The following PIK3R4 variants were observed in gnomAD, a reference collection of about 807,000 sequenced individuals.
PIK3R4 encodes phosphoinositide-3-kinase regulatory subunit 4.
Under a neutral mutation model 136.5 loss-of-function variants are expected in PIK3R4, and 46 were observed. That is an observed-to-expected ratio of 0.34 (90% confidence interval 0.27 to 0.43). The LOEUF (loss-of-function observed/expected upper bound fraction) is 0.43. Among genes scored for constraint, PIK3R4 ranks in the 20% least tolerant of loss-of-function variants. PIK3R4 has a pLI of 1.00. For missense variants in PIK3R4, 1,331 were observed against 1,649.5 expected, an observed-to-expected ratio of 0.81 and a Z score of 3.35; for synonymous variants, 557 against 566.7, an observed-to-expected ratio of 0.98 and a Z score of 0.24.
intron 13 of PIK3R4, among the ~76,000 whole-genome samples, chr3:130,699,335 A>G (rs1389735511): frequency 6.6e-6 from 1 of 152,208 alleles, no homozygotes; most frequent in Non-Finnish European, 1.5e-5. Context: ...CCCTGAAAAC[A>G]GAACTTTTCA....
rs2066853636 is a variant in PIK3R4, at chr3:130,746,420, T to C, written c.-149A>G. 1.3e-5 allele frequency: 2 copies of C among 152,104 alleles called. No homozygotes were observed. The highest frequency in any genetic ancestry group is 4.8e-5 in the African/African-American group (2 of 41,368). The allele number at this position is 152,104 out of a possible 1,614,324, so 9.4% of individuals were successfully genotyped here. A position where few individuals can be genotyped will look rare whatever the true frequency, so the allele number is the denominator to read the frequency against. On this transcript the variant is annotated 5_prime_UTR_variant, in exon 1 of 20. Coordinates refer to ENST00000356763, the MANE Select transcript of PIK3R4 (RefSeq NM_014602.3). ...GGAAAACGCGTCAGCAGCGGGGAAG[T>C]TGTTTCTACGAAGGGTCTTTCTTCA...
At position 130,718,478 on chromosome 3, in the gene PIK3R4, T is replaced by A; in HGVS notation, c.2038A>T (p.Thr680Ser). Residue 680 changes from threonine to serine, a missense_variant, in exon 8 of 20, where the codon ACA (threonine) becomes TCA (serine). By Grantham distance (58) the Thr-to-Ser change is moderately conservative. Around this residue, in one of 2 missense-constraint regions of PIK3R4, gnomAD observed 1,180 missense variants for 1,407.0 expected, o/e 0.84. Transcript: ENST00000356763. ...GTACTTATTTGACGAGCTACCACTG[T>A]GATAAATCCCACGGCACCATAACGT... ...WIRYGAVGFI[T>S]VVARQISTAD... 6.2e-7 allele frequency: 1 copy of A among 1,613,858 alleles called. No homozygotes were observed. The highest frequency in any genetic ancestry group is 2.2e-5 in the East Asian group (1 of 44,864).
chr3:130,722,095 A>C (rs941405135), intron 7 of PIK3R4, among the ~76,000 whole-genome samples: 32 of 152,290 alleles, frequency 2.1e-4, no homozygotes, highest in African/African-American at 7.7e-4. Flanking sequence ...AGAATGAGAG[A>C]GATGTATATA....
Position 130,681,055 on chromosome 3 carries a change from T to C in PIK3R4, c.3719A>G (p.His1240Arg). The change falls in exon 18 of 20, where the codon CAT becomes CGT. Residue 1240 changes from histidine (H) to arginine (R), a missense_variant. Around this residue, in one of 2 missense-constraint regions of PIK3R4, gnomAD observed 1,180 missense variants for 1,407.0 expected, o/e 0.84. Transcript: ENST00000356763. ...ACTACAGTAGATACCATGGACGCTA[T>C]GAGGAGAAGGCTTAAAAGAAATAGA... ...PPLSELQPSP[H>R]SVHGIYCSPA... The C allele has an allele frequency of 6.4e-7, 1 of 1,570,440 alleles. No homozygotes were observed. The highest frequency in any genetic ancestry group is 1.1e-5 in the South Asian group (1 of 90,194).
intron 13 of PIK3R4, among the ~76,000 whole-genome samples, chr3:130,697,130 G>T (rs950536829): frequency 7.3e-6 from 1 of 136,926 alleles, no homozygotes; most frequent in Non-Finnish European, 1.5e-5. Context: ...CAGTGCAGTG[G>T]CAAATCTCAG....
At chr3:130,713,225 C>T (rs2066642263) in intron 9 of PIK3R4, among the ~76,000 whole-genome samples, 1 of 152,200 alleles carries the variant, frequency 6.6e-6, no homozygotes, top group Non-Finnish European at 1.5e-5. Context: ...CTCCCTTCTA[C>T]TAGCAGTGCT....
intron 9 of PIK3R4, among the ~76,000 whole-genome samples, chr3:130,714,907 T>C (rs1442394756): frequency 6.6e-6 from 1 of 152,170 alleles, no homozygotes; most frequent in Non-Finnish European, 1.5e-5. Context: ...ACAATAAACA[T>C]ATATGTGCAT....
At chr3:130,687,110 TA>T (rs1488894654) in intron 14 of PIK3R4, among the ~76,000 whole-genome samples, 1 of 150,042 alleles carries the variant, frequency 6.7e-6, no homozygotes, top group Admixed American at 6.7e-5. Flanking sequence ...TGCATATACA[TA>T]ATGAGGTATC....
At chr3:130,709,731 G>A (rs1041765040) in intron 9 of PIK3R4, among the ~76,000 whole-genome samples, 1 of 152,034 alleles carries the variant, frequency 6.6e-6, no homozygotes, top group Admixed American at 6.6e-5. Context: ...TACAACATAG[G>A]GGGACCTTAA....
At chr3:130,720,022 C>G (rs565341804) in intron 7 of PIK3R4, among the ~76,000 whole-genome samples, 1 of 152,174 alleles carries the variant, frequency 6.6e-6, no homozygotes, top group South Asian at 2.1e-4. Context: ...ACCTATACAA[C>G]CCACAGGTGC....
At chr3:130,704,821 A>T (rs1244145579) in intron 12 of PIK3R4, among the ~76,000 whole-genome samples, 1 of 151,708 alleles carries the variant, frequency 6.6e-6, no homozygotes, top group African/African-American at 2.4e-5. Context: ...CTTTTTATTT[A>T]TTTACTTTAT....
At chr3:130,718,261 G>GTT (rs1339245542) in intron 8 of PIK3R4, 128 bp downstream of exon 8, 2 of 752,486 alleles carry the variant, frequency 2.7e-6, no homozygotes, top group African/African-American at 3.5e-5. Context: ...AGCTTGAAAG[G>GTT]AATATAAACA....
intron 10 of PIK3R4, 138 bp from the exon 11 acceptor site, chr3:130,707,273 T>C: frequency 2.0e-6 from 1 of 500,394 alleles, no homozygotes; most frequent in Admixed American, 4.1e-5. Context: ...TTAAGATTTC[T>C]AATTTATTCA....
At chr3:130,738,971 T>A (rs2066802914) in intron 2 of PIK3R4, among the ~76,000 whole-genome samples, 1 of 152,252 alleles carries the variant, frequency 6.6e-6, no homozygotes, top group African/African-American at 2.4e-5. Flanking sequence ...GCAACCATCA[T>A]AACAAAAATT....
At chr3:130,709,601 A>G (rs1333830026) in intron 9 of PIK3R4, among the ~76,000 whole-genome samples, 1 of 152,180 alleles carries the variant, frequency 6.6e-6, no homozygotes, top group African/African-American at 2.4e-5. Context: ...TTCGCTTTAA[A>G]TAGACAATAG....
chr3:130,706,440 GA>G (rs2066606565), intron 11 of PIK3R4, among the ~76,000 whole-genome samples: 1 of 152,160 alleles, frequency 6.6e-6, no homozygotes, highest in Non-Finnish European at 1.5e-5. Flanking sequence ...ATGGGTACCG[GA>G]AGTACAGTTT....
rs185775473 is a variant in PIK3R4 at position 130,739,008 on chromosome 3, G to A, written c.734-3006C>T. Among the ~76,000 whole-genome samples, 6 of 152,352 alleles carry A rather than the reference G, an allele frequency of 3.9e-5. No individual in the cohort carries two copies. The East Asian group carries it at 1.2e-3, about 29-fold the overall frequency. ...AATCAGGCAAGAATCATCAATGGAT[G>A]CCAAATGTCAAGCGATAAACCGTGG... is the stretch of plus-strand genomic sequence containing the variant. On this transcript the variant is annotated intron_variant, in intron 2 of 19. Transcript: ENST00000356763.
chr3:130,679,224 T>C lies in PIK3R4; in HGVS notation c.*91A>G, dbSNP rs2066438397. On this transcript the variant is annotated 3_prime_UTR_variant, in exon 20 of 20. Transcript: ENST00000356763. ...TAATATGGAGACATAATTTTGAAAA[T>C]TAAGCAAATGAATCTGTTCTCTAGA... 1 of 773,364 alleles carries C rather than the reference T, an allele frequency of 1.3e-6. No individual in the cohort carries two copies. The highest frequency in any genetic ancestry group is 3.1e-5 in the East Asian group (1 of 32,034). 47.9% of individuals were successfully genotyped at this position (773,364 alleles called of 1,614,324 possible). A position where few individuals can be genotyped will look rare whatever the true frequency, so the allele number is the denominator to read the frequency against.
intron 2 of PIK3R4, among the ~76,000 whole-genome samples, chr3:130,741,079 T>C (rs2066820860): frequency 6.6e-6 from 1 of 152,230 alleles, no homozygotes; most frequent in Admixed American, 6.5e-5. Context: ...CTGAATTGTG[T>C]GTCAAGTGCC....
Sources: gnomAD v4.1 joint callset for allele counts (sites outside exome capture counted in the v4.1 genomes callset) on GRCh38, gnomAD v4.1.1 for gene constraint, gnomAD v4.1.1 regional missense constraint, MANE v1.5 for transcripts, NCBI Gene and HGNC (gene_info 2026-07-23, HGNC 2026-07-21) for gene names.